The following AKR1B15 variants were observed in gnomAD, a reference collection of about 807,000 sequenced individuals.
AKR1B15 encodes the protein estradiol 17-beta-dehydrogenase AKR1B15.
In AKR1B15, 49 loss-of-function variants were observed where a neutral mutation model predicts 38.5. That is an observed-to-expected ratio of 1.27 (90% CI 1.01 to 1.62). AKR1B15 has a LOEUF of 1.62. AKR1B15 is among the 40% of genes most tolerant of loss of function. The pLI, the probability that AKR1B15 is intolerant of heterozygous loss-of-function variation, is 0.00. For synonymous variants in AKR1B15, 137 were observed against 135.5 expected, an observed-to-expected ratio of 1.01 and a Z score of -0.08; for missense variants, 411 against 381.6, an observed-to-expected ratio of 1.08 and a Z score of -0.64.
chr7:134,570,490 G>C lies in AKR1B15; in HGVS notation c.435+961G>C, dbSNP rs1204623190. 2.6e-5 allele frequency: 4 copies of C among 152,096 alleles called. No homozygotes were observed. In the East Asian group the frequency reaches 7.7e-4, roughly 29 times the overall value. The allele number at this position is 152,096 out of a possible 1,614,324, so 9.4% of individuals were successfully genotyped here. On this transcript the variant is annotated intron_variant, in intron 5 of 11. Coordinates refer to ENST00000457545, the MANE Select transcript of AKR1B15 (RefSeq NM_001080538.3). ...TGGTTTTGTAGCTTGAGGGCATCAT[G>C]GAACCTGCCGAAACGTGATGTCTCC...
At chr7:134,559,350 G>C (rs938926071) in intron 2 of AKR1B15, among the ~76,000 whole-genome samples, 1 of 152,094 alleles carries the variant, frequency 6.6e-6, no homozygotes, top group Non-Finnish European at 1.5e-5. Context: ...GGACTAATAA[G>C]TACAAAGGGT....
At position 134,577,674 on chromosome 7, in the gene AKR1B15, G is replaced by C. The variant is rs151267748; in HGVS notation, c.910-30G>C. 3.1e-5 allele frequency: 50 copies of C among 1,608,120 alleles called. No individual in the cohort carries two copies. The South Asian group carries it at 5.3e-4, about 17-fold the overall frequency. On this transcript the variant is annotated intron_variant, in intron 10 of 11. Coordinates refer to ENST00000457545, the MANE Select transcript of AKR1B15 (RefSeq NM_001080538.3). Reference sequence around the variant, plus strand: ...CAGCCACAGCAGTAACAGCCTTACCGATAATGTATTGGAATTCTTTCCTTT... The same window carrying C: ...CAGCCACAGCAGTAACAGCCTTACCCATAATGTATTGGAATTCTTTCCTTT...
chr7:134,551,772 C>T (rs1453580583), intron 1 of AKR1B15, among the ~76,000 whole-genome samples: 1 of 152,146 alleles, frequency 6.6e-6, no homozygotes, highest in Non-Finnish European at 1.5e-5. Flanking sequence ...TGAGAGGACT[C>T]CCCTATAAAG....
intron 1 of AKR1B15, among the ~76,000 whole-genome samples, chr7:134,555,658 G>A (rs914006963): frequency 2.0e-5 from 3 of 152,056 alleles, no homozygotes; most frequent in South Asian, 4.2e-4. Context: ...TTTTGTAGTC[G>A]GTTTATGTGC....
chr7:134,552,157 G>C (rs940694490), intron 1 of AKR1B15, among the ~76,000 whole-genome samples: 10 of 152,202 alleles, frequency 6.6e-5, no homozygotes, highest in African/African-American at 2.4e-4. Flanking sequence ...CGTGGTCCCA[G>C]AGTGCCCCTT....
intron 3 of AKR1B15, 60 bp from the exon 4 acceptor site, chr7:134,568,098 C>G: frequency 6.3e-7 from 1 of 1,592,038 alleles, no homozygotes; most frequent in Non-Finnish European, 8.6e-7. Flanking sequence ...GGCAACATGG[C>G]AAGGTCTCAT....
intron 3 of AKR1B15, 77 bp from the exon 4 acceptor site, chr7:134,568,081 C>CAG (rs1794580813): frequency 6.4e-7 from 1 of 1,561,968 alleles, no homozygotes; most frequent in African/African-American, 1.4e-5. Context: ...AGTGTGAGGC[C>CAG]AGCCTGGGCA....
chr7:134,567,360 A>C (rs1344305430), intron 3 of AKR1B15, among the ~76,000 whole-genome samples: 1 of 150,196 alleles, frequency 6.7e-6, no homozygotes, highest in Non-Finnish European at 1.5e-5. Context: ...CGTTCTCCCT[A>C]CCTCGCTCTT....
At chr7:134,575,274 C>A in intron 6 of AKR1B15, 146 bp from the exon 7 acceptor site, 1 of 1,342,832 alleles carries the variant, frequency 7.4e-7, no homozygotes, top group East Asian at 2.5e-5. Context: ...GGCACCCAGG[C>A]CCTGGACTGA....
chr7:134,576,433 A>G lies in AKR1B15; in HGVS notation c.825+3A>G, dbSNP rs10234865. Reference sequence around the variant, plus strand: ...AGCACAAAAAAACCACAGCCCAGGTACCATATTTTTATTTTTCTTGTTATC... The same window carrying G: ...AGCACAAAAAAACCACAGCCCAGGTGCCATATTTTTATTTTTCTTGTTATC... On this transcript the variant is annotated splice_donor_region_variant and intron_variant, in intron 9 of 11. Transcript: ENST00000457545. 6,799 of 1,613,880 alleles carry G rather than the reference A, an allele frequency of 4.2e-3. 214 individuals are homozygous for G. In the African/African-American group the frequency reaches 0.073, roughly 17 times the overall value.
intron 9 of AKR1B15, 113 bp downstream of exon 9, chr7:134,576,543 AG>A (rs2117672409): frequency 8.0e-7 from 1 of 1,253,910 alleles, no homozygotes; most frequent in Non-Finnish European, 1.1e-6. Context: ...CAGGAGCTGA[AG>A]CCCTCTAAAG....
In AKR1B15 at chr7:134,577,695, C is replaced by T; in HGVS notation, c.910-9C>T. 1 of 1,613,278 alleles carries T rather than the reference C, an allele frequency of 6.2e-7. No individual in the cohort carries two copies. The highest frequency in any genetic ancestry group is 1.7e-5 in the Admixed American group (1 of 59,960). On this transcript the variant is annotated splice_polypyrimidine_tract_variant and intron_variant, in intron 10 of 11. Coordinates refer to ENST00000457545, the MANE Select transcript of AKR1B15 (RefSeq NM_001080538.3). Reference sequence around the variant, plus strand: ...TACCGATAATGTATTGGAATTCTTTCCTTTCTAGGTCTTTGACTTTAAATT... The same window carrying T: ...TACCGATAATGTATTGGAATTCTTTTCTTTCTAGGTCTTTGACTTTAAATT...
chr7:134,575,711 C>A (rs2347379), intron 7 of AKR1B15, 110 bp from the exon 8 acceptor site: 9 of 1,585,170 alleles, frequency 5.7e-6, no homozygotes, highest in Non-Finnish European at 6.9e-6. Context: ...AATCTCAGTG[C>A]GCACTTGTTT....
intron 5 of AKR1B15, among the ~76,000 whole-genome samples, chr7:134,570,628 T>C (rs1794648578): frequency 6.6e-6 from 1 of 152,188 alleles, no homozygotes; most frequent in Non-Finnish European, 1.5e-5. Context: ...CGATGAATTA[T>C]CAGGGGCGGA....
At chr7:134,565,400 A>C in intron 3 of AKR1B15, 1 of 1,604,790 alleles carries the variant, frequency 6.2e-7, no homozygotes, top group East Asian at 2.2e-5. Context: ...GAGACCACGA[A>C]CCCTCTGGAA....
At chr7:134,551,639 C>CA (rs1443832852) in intron 1 of AKR1B15, among the ~76,000 whole-genome samples, 1 of 152,080 alleles carries the variant, frequency 6.6e-6, no homozygotes, top group Non-Finnish European at 1.5e-5. Context: ...GGGCTGCAGA[C>CA]AAAGCATCAA....
intron 3 of AKR1B15, among the ~76,000 whole-genome samples, chr7:134,566,954 A>G (rs888378085): frequency 6.6e-6 from 1 of 152,232 alleles, no homozygotes; most frequent in African/African-American, 2.4e-5. Flanking sequence ...ACCCTTCATA[A>G]GTTTACTAGA....
chr7:134,571,895 TG>T (rs767581935), intron 6 of AKR1B15, among the ~76,000 whole-genome samples: 37 of 152,174 alleles, frequency 2.4e-4, no homozygotes, highest in Non-Finnish European at 4.3e-4. Flanking sequence ...CAAATAAGAC[TG>T]GAAATACAAT....
chr7:134,559,501 G>T (rs1794318081), intron 2 of AKR1B15, among the ~76,000 whole-genome samples: 1 of 152,126 alleles, frequency 6.6e-6, no homozygotes, highest in Admixed American at 6.5e-5. Flanking sequence ...CCCGGACCAT[G>T]GCCCAAGAGC....
Sources: allele counts gnomAD v4.1 joint callset (sites outside exome capture counted in the v4.1 genomes callset), GRCh38; gene constraint gnomAD v4.1.1; transcripts MANE v1.5; gene names NCBI Gene and HGNC (gene_info 2026-07-23, HGNC 2026-07-21).